Variants in ATP10B observed in about 807,000 individuals in gnomAD.
ATP10B encodes the protein ATPase phospholipid transporting 10B (putative).
Under a neutral mutation model 141.2 loss-of-function variants are expected in ATP10B, and 122 were observed. The ratio of observed to expected loss-of-function variants is 0.86; its 90% CI spans 0.75 to 1.00. The LOEUF (loss-of-function observed/expected upper bound fraction) is 1.00, where lower values mean the gene tolerates loss of function less well. Among genes scored for constraint, ATP10B ranks in the 50% least tolerant of loss-of-function variants. ATP10B has a pLI of 0.00. For missense variants in ATP10B, 1,876 were observed against 1,825.3 expected, an observed-to-expected ratio of 1.03 and a Z score of -0.51; for synonymous variants, 685 against 692.0, an observed-to-expected ratio of 0.99 and a Z score of 0.16.
At chr5:160,572,456 C>G (rs1216813432) in intron 24 of ATP10B, among the ~76,000 whole-genome samples, 1 of 152,062 alleles carries the variant, frequency 6.6e-6, no homozygotes, top group East Asian at 1.9e-4. Flanking sequence ...CTCCTTTCCC[C>G]AAATCACCAG....
At chr5:160,637,041 AATCC>A (rs201357056) in intron 10 of ATP10B, among the ~76,000 whole-genome samples, 741 of 56,004 alleles carry the variant, frequency 0.013, 18 homozygotes, top group African/African-American at 0.052. Context: ...TCCATCCATG[AATCC>A]ATCCATCCAT....
intron 2 of ATP10B, among the ~76,000 whole-genome samples, chr5:160,754,169 T>G (rs1030162685): frequency 1.3e-5 from 2 of 152,168 alleles, no homozygotes. Flanking sequence ...TTTCTTAAAT[T>G]TAATATATAC....
At chr5:160,786,553 G>A (rs17058289) in intron 1 of ATP10B, among the ~76,000 whole-genome samples, 8 of 151,988 alleles carry the variant, frequency 5.3e-5, no homozygotes, top group Non-Finnish European at 1.0e-4. Context: ...CCTATTCAAC[G>A]GCTCCCTCCA....
At chr5:160,637,339 A>T (rs1181733771) in intron 10 of ATP10B, among the ~76,000 whole-genome samples, 1 of 152,074 alleles carries the variant, frequency 6.6e-6, no homozygotes, top group East Asian at 1.9e-4. Context: ...CCATCCATCC[A>T]TTCATCCATC....
At chr5:160,615,455 C>T (rs1561655716) in intron 17 of ATP10B, among the ~76,000 whole-genome samples, 1 of 151,160 alleles carries the variant, frequency 6.6e-6, no homozygotes, top group Non-Finnish European at 1.5e-5. Context: ...CTAGTATCCT[C>T]ACTAGACTCC....
At chr5:160,801,864 T>C (rs2127932123) in intron 1 of ATP10B, among the ~76,000 whole-genome samples, 1 of 152,278 alleles carries the variant, frequency 6.6e-6, no homozygotes, top group South Asian at 2.1e-4. Context: ...CGAAACAGAT[T>C]GGGAAGCTCT....
In ATP10B at chr5:160,816,223, G is replaced by T. The variant is rs1334408063; in HGVS notation, c.-575-30420C>A. On this transcript the variant is annotated intron_variant, in intron 1 of 25. Coordinates refer to ENST00000327245, the MANE Select transcript of ATP10B (RefSeq NM_025153.3). ...GAATGAATCCAGGAGCTGATTTTTT[G>T]AAAAGATCAATAAAAATTGAGAGAC... Among the ~76,000 whole-genome samples, 2 of 129,592 alleles carry T rather than the reference G, an allele frequency of 1.5e-5. 1 individual carries two copies. The highest frequency in any genetic ancestry group is 3.6e-5 in the Non-Finnish European group (2 of 55,648). The allele number at this position is 129,592 out of a possible 152,430, so 85.0% of individuals were successfully genotyped here.
At chr5:160,736,316 T>C (rs1205155315) in intron 2 of ATP10B, among the ~76,000 whole-genome samples, 3 of 152,178 alleles carry the variant, frequency 2.0e-5, no homozygotes, top group Non-Finnish European at 4.4e-5. Context: ...GGATCGTTAG[T>C]GGCTGCTATG....
chr5:160,802,646 G>A (rs1252826525), intron 1 of ATP10B, among the ~76,000 whole-genome samples: 1 of 152,326 alleles, frequency 6.6e-6, no homozygotes, highest in East Asian at 1.9e-4. Flanking sequence ...CACATGGAGA[G>A]CCTGATACCT....
chr5:160,649,531 T>C (rs1173109269), intron 7 of ATP10B, among the ~76,000 whole-genome samples: 1 of 152,222 alleles, frequency 6.6e-6, no homozygotes, highest in Non-Finnish European at 1.5e-5. Flanking sequence ...AGCCCAGATC[T>C]AATAGAACTT....
chr5:160,794,355 G>A (rs1771799368), intron 1 of ATP10B, among the ~76,000 whole-genome samples: 1 of 152,190 alleles, frequency 6.6e-6, no homozygotes, highest in African/African-American at 2.4e-5. Flanking sequence ...TTCTGATGGG[G>A]CTGCTGACCA....
At chr5:160,627,725 C>T (rs969310962) in intron 13 of ATP10B, among the ~76,000 whole-genome samples, 2 of 152,174 alleles carry the variant, frequency 1.3e-5, no homozygotes, top group Admixed American at 1.3e-4. Flanking sequence ...TGAATGTCTA[C>T]CTGTCTGTCT....
rs1764192140 is a variant in ATP10B at position 160,693,446 on chromosome 5, A to ACACACACC, written c.-204-4504_-204-4503insGGTGTGTG. Among the ~76,000 whole-genome samples, 8 of 147,478 alleles carry ACACACACC rather than the reference A, an allele frequency of 5.4e-5. No individual in the cohort carries two copies. The South Asian group carries it at 1.5e-3, about 27-fold the overall frequency. On this transcript the variant is annotated intron_variant, in intron 3 of 25. Transcript: ENST00000327245. ...CACACACACACACACACACACACAC[A>ACACACACC]CACACACACAGTGGTATAGTCAGGG... is the stretch of plus-strand genomic sequence containing the variant.
chr5:160,624,484 G>A (rs1408346402), intron 13 of ATP10B, among the ~76,000 whole-genome samples: 2 of 152,208 alleles, frequency 1.3e-5, no homozygotes, highest in African/African-American at 4.8e-5. Context: ...AGAAGCAAGA[G>A]GGCTAATAAA....
intron 10 of ATP10B, among the ~76,000 whole-genome samples, chr5:160,636,608 AAG>A (rs1031355917): frequency 5.3e-5 from 8 of 152,182 alleles, no homozygotes; most frequent in African/African-American, 9.7e-5. Context: ...AGGGGCTGGA[AAG>A]AGAGAAAGAA....
At chr5:160,803,937 T>TTC (rs1772585052) in intron 1 of ATP10B, among the ~76,000 whole-genome samples, 1 of 151,986 alleles carries the variant, frequency 6.6e-6, no homozygotes. Context: ...ATTTTTTTTT[T>TTC]CAACGTTGCC....
At chr5:160,629,677 C>A (rs181776760) in intron 13 of ATP10B, among the ~76,000 whole-genome samples, 2 of 152,278 alleles carry the variant, frequency 1.3e-5, no homozygotes, top group East Asian at 1.9e-4. Flanking sequence ...CTAGAACACA[C>A]AATTTTAAGA....
intron 2 of ATP10B, among the ~76,000 whole-genome samples, chr5:160,740,072 T>C (rs1373858632): frequency 6.6e-6 from 1 of 152,242 alleles, no homozygotes. Context: ...ATAGTCACCA[T>C]AGTAATAACT....
At chr5:160,690,247 A>AAAG (rs1763998672) in intron 3 of ATP10B, among the ~76,000 whole-genome samples, 1 of 152,262 alleles carries the variant, frequency 6.6e-6, no homozygotes. Flanking sequence ...CAAAACCATA[A>AAAG]AAACCCTAGA....
Sources: gnomAD v4.1 joint callset for allele counts (sites outside exome capture counted in the v4.1 genomes callset) on GRCh38, gnomAD v4.1.1 for gene constraint, MANE v1.5 for transcripts, NCBI Gene and HGNC (gene_info 2026-07-23, HGNC 2026-07-21) for gene names.